Variants in FAM153A observed in about 807,000 individuals in gnomAD.
The protein encoded by FAM153A is family with sequence similarity 153 member A, also known as protein FAM153A.
In FAM153A, 12 loss-of-function variants were observed where a neutral mutation model predicts 48.1. The ratio of observed to expected loss-of-function variants is 0.25; its 90% CI spans 0.16 to 0.40. The LOEUF is 0.40. Ranked by LOEUF, FAM153A falls within the 10% of genes least tolerant of loss-of-function variation. The probability of loss-of-function intolerance (pLI) is 1.00; values close to 1 mark genes in which losing one functional copy is unlikely to be tolerated. For synonymous variants in FAM153A, 36 were observed against 118.2 expected (o/e 0.30, Z 4.51); for missense variants, 111 against 345.8 (o/e 0.32, Z 5.38).
downstream of FAM153A, chr5:177,722,580 GACAGAGGTGCAAGGGTCACTAGAGAGGC>G (rs1761262122): frequency 6.6e-6 from 1 of 150,504 alleles, no homozygotes; most frequent in African/African-American, 2.5e-5. Context: ...CTGCAACACA[GACAGAGGTGCAAGGGTCACTAGAGAGGC>G]ACAGAGGTAG....
chr5:177,738,271 T>C (rs995747739), intron 10 of FAM153A, among the ~76,000 whole-genome samples: 3 of 151,312 alleles, frequency 2.0e-5, no homozygotes, highest in East Asian at 1.9e-4. Flanking sequence ...TTAAATACAA[T>C]ATAACACGCC....
downstream of FAM153A, among the ~76,000 whole-genome samples, chr5:177,703,145 C>T (rs1366572664): frequency 2.0e-5 from 3 of 152,174 alleles, no homozygotes; most frequent in Non-Finnish European, 4.4e-5. Flanking sequence ...AAAACCAGCC[C>T]TTGAGAGTGG....
chr5:177,711,644 A>T (rs1561852612), exon 27 of FAM153A: 3 of 151,962 alleles, frequency 2.0e-5, no homozygotes, highest in African/African-American at 7.3e-5. Flanking sequence ...ATTATGCCAA[A>T]AGAAGTAATG....
chr5:177,702,488 A>C, the FAM153A span, among the ~76,000 whole-genome samples: 1 of 151,916 alleles, frequency 6.6e-6, no homozygotes, highest in Non-Finnish European at 1.5e-5. Context: ...AGAAAAGGCC[A>C]TTTTCAGGGG....
chr5:177,710,146 C>T (rs537932159), downstream of FAM153A, among the ~76,000 whole-genome samples: 270 of 150,488 alleles, frequency 1.8e-3, no homozygotes, highest in South Asian at 7.3e-3. Context: ...CGGAGTCTCA[C>T]CTGTAGCCCA....
exon 1 of FAM153A, chr5:177,753,178 T>G: frequency 1.2e-6 from 2 of 1,611,832 alleles, no homozygotes; most frequent in Non-Finnish European, 1.7e-6. Flanking sequence ...ATACATACCT[T>G]CAAGGCAACA....
At chr5:177,712,508 A>T (rs1017539592) in exon 27 of FAM153A, 5 of 151,814 alleles carry the variant, frequency 3.3e-5, no homozygotes, top group African/African-American at 1.2e-4. Context: ...GTAAATACGA[A>T]ATCTCATTTC....
At chr5:177,765,307 G>T (rs1768656058) in intron 1 of FAM153A, among the ~76,000 whole-genome samples, 1 of 103,216 alleles carries the variant, frequency 9.7e-6, no homozygotes, top group Non-Finnish European at 2.0e-5. Context: ...ACCTGGCCTG[G>T]GACCATGTGA....
downstream of FAM153A, among the ~76,000 whole-genome samples, chr5:177,704,831 C>A (rs1757736169): frequency 6.6e-6 from 1 of 151,452 alleles, no homozygotes; most frequent in Non-Finnish European, 1.5e-5. Context: ...GAAACCCCAT[C>A]TCTACTAAAA....
chr5:177,700,038 A>C, the FAM153A span, among the ~76,000 whole-genome samples: 1 of 152,092 alleles, frequency 6.6e-6, no homozygotes, highest in Non-Finnish European at 1.5e-5. Context: ...CCAGGAATGC[A>C]TGCAGTTTGT....
intron 26 of FAM153A, among the ~76,000 whole-genome samples, chr5:177,713,348 T>TCACGTCATTCTCCTGCCTC (rs1482808452): frequency 7.9e-5 from 12 of 151,272 alleles, no homozygotes; most frequent in Admixed American, 7.2e-4. Context: ...CCTCCTGGCT[T>TCACGTCATTCTCCTGCCTC]CACGTCATTC....
the FAM153A span, among the ~76,000 whole-genome samples, chr5:177,699,686 C>G: frequency 2.0e-5 from 3 of 152,350 alleles, no homozygotes; most frequent in South Asian, 6.2e-4. Context: ...AGATGTATAA[C>G]AAGAAAAGAT....
intron 6 of FAM153A, among the ~76,000 whole-genome samples, chr5:177,743,608 A>G (rs1765671562): frequency 1.1e-5 from 1 of 89,982 alleles, no homozygotes; most frequent in Non-Finnish European, 2.3e-5. Context: ...TCCCAGCAGA[A>G]CTCGCTGTAG....
In FAM153A at chr5:177,771,214, C is replaced by T. The variant is rs1221668996; in HGVS notation, c.-57+9235G>A. 3.1e-5 allele frequency among the ~76,000 whole-genome samples: 3 copies of T among 96,752 alleles called. 1 individual carries two copies. The highest frequency in any genetic ancestry group is 6.4e-5 in the Non-Finnish European group (3 of 46,880). The allele number at this position is 96,752 out of a possible 152,430, so 63.5% of individuals were successfully genotyped here. On this transcript the variant is annotated intron_variant, in intron 1 of 8. Transcript: ENST00000393518. ...CATAACTCTAAACAGGGATTTAGCA[C>T]GACATGAAAACTAGATTCACATAAT... is the stretch of plus-strand genomic sequence containing the variant.
At chr5:177,709,672 TTG>T (rs1758223596), downstream of FAM153A, among the ~76,000 whole-genome samples, 1 of 124,880 alleles carries the variant, frequency 8.0e-6, no homozygotes, top group Admixed American at 8.0e-5. Flanking sequence ...GGTTTTTTTT[TTG>T]TTTTTTTTTT....
chr5:177,708,909 A>T (rs1028307972), downstream of FAM153A, among the ~76,000 whole-genome samples: 1 of 151,416 alleles, frequency 6.6e-6, no homozygotes, highest in Non-Finnish European at 1.5e-5. Flanking sequence ...TCTGGCCAAC[A>T]TGGTAAAACC....
intron 18 of FAM153A, among the ~76,000 whole-genome samples, chr5:177,726,556 AC>A (rs1387259471): frequency 5.9e-5 from 7 of 119,088 alleles, no homozygotes; most frequent in African/African-American, 1.7e-4. Context: ...ATTCCCAAGA[AC>A]CCTGTCTCAC....
At chr5:177,778,938 C>G (rs1769440296) in intron 1 of FAM153A, among the ~76,000 whole-genome samples, 1 of 115,264 alleles carries the variant, frequency 8.7e-6, no homozygotes, top group African/African-American at 3.3e-5. Context: ...GACTGTACCA[C>G]TGAATAGACA....
chr5:177,748,096 CA>C (rs1294143889), intron 3 of FAM153A, among the ~76,000 whole-genome samples: 16 of 113,900 alleles, frequency 1.4e-4, no homozygotes, highest in African/African-American at 4.7e-4. Flanking sequence ...GGCTGGAGTA[CA>C]GTGTCATGAT....
Sources: gnomAD v4.1 joint callset for allele counts (sites outside exome capture counted in the v4.1 genomes callset) on GRCh38, gnomAD v4.1.1 for gene constraint, MANE v1.5 for transcripts, NCBI Gene and HGNC (gene_info 2026-07-23, HGNC 2026-07-21) for gene names.